The following DNAI1 variants were observed in gnomAD, a reference collection of about 807,000 sequenced individuals.
The protein encoded by DNAI1 is dynein, axonemal, intermediate polypeptide 1.
A neutral mutation model predicts 92.0 loss-of-function variants in DNAI1; 67 were observed. The observed-to-expected ratio is 0.73, with a 90% CI of 0.60 to 0.89. The LOEUF (loss-of-function observed/expected upper bound fraction) is 0.89. Among genes scored for constraint, DNAI1 ranks in the 40% least tolerant of loss-of-function variants. DNAI1 has a pLI of 0.00. For missense variants in DNAI1, 839 were observed against 866.6 expected, an observed-to-expected ratio of 0.97 and a Z score of 0.40; for synonymous variants, 323 against 319.6, an observed-to-expected ratio of 1.01 and a Z score of -0.11.
intron 18 of DNAI1, 121 bp from the exon 19 acceptor site, chr9:34,517,164 C>G: frequency 9.6e-7 from 1 of 1,046,868 alleles, no homozygotes; most frequent in Admixed American, 2.0e-5. Context: ...CCACCTCCAG[C>G]TCCAGTGTGC....
intron 1 of DNAI1, among the ~76,000 whole-genome samples, chr9:34,479,673 C>T (rs1824303396): frequency 6.6e-6 from 1 of 152,116 alleles, no homozygotes; most frequent in Non-Finnish European, 1.5e-5. Context: ...AGTTGTTACA[C>T]GTTGGGACGC....
At chr9:34,473,146 A>T (rs533846291) in intron 1 of DNAI1, among the ~76,000 whole-genome samples, 12 of 152,044 alleles carry the variant, frequency 7.9e-5, no homozygotes, top group Non-Finnish European at 1.6e-4. Flanking sequence ...AGCAATACAT[A>T]AAAGTTTACT....
chr9:34,513,324 G>C (rs899822235), intron 16 of DNAI1, 133 bp downstream of exon 16: 1 of 752,550 alleles, frequency 1.3e-6, no homozygotes, highest in Non-Finnish European at 2.4e-6. Flanking sequence ...TGAGGGAAGA[G>C]AATGTATTTC....
intron 1 of DNAI1, among the ~76,000 whole-genome samples, chr9:34,470,777 C>T (rs902942369): frequency 1.3e-5 from 2 of 152,128 alleles, no homozygotes; most frequent in African/African-American, 2.4e-5. Flanking sequence ...ATGAAAACTA[C>T]GCCCAAGAAC....
At chr9:34,482,599 C>T (rs540088354) in intron 1 of DNAI1, among the ~76,000 whole-genome samples, 3 of 152,260 alleles carry the variant, frequency 2.0e-5, no homozygotes. Flanking sequence ...ACTCACAAAC[C>T]TTGAGCTAAA....
At chr9:34,506,106 T>G (rs1010613080) in intron 12 of DNAI1, among the ~76,000 whole-genome samples, 6 of 152,136 alleles carry the variant, frequency 3.9e-5, no homozygotes, top group Non-Finnish European at 7.4e-5. Context: ...CATGCCTAGA[T>G]CTAGGGCTCA....
chr9:34,512,458 G>A (rs1226704814), intron 15 of DNAI1, 34 bp downstream of exon 15: 1 of 1,601,326 alleles, frequency 6.2e-7, no homozygotes, highest in Admixed American at 1.7e-5. Flanking sequence ...TCCAGGCCTG[G>A]CCAGGTCATT....
At chr9:34,467,340 G>A (rs527755718) in intron 1 of DNAI1, among the ~76,000 whole-genome samples, 1 of 152,148 alleles carries the variant, frequency 6.6e-6, no homozygotes, top group South Asian at 2.1e-4. Context: ...GCTCATGGCT[G>A]TAATCCTAGC....
At chr9:34,476,936 TAGG>T (rs987069022) in intron 1 of DNAI1, among the ~76,000 whole-genome samples, 4 of 152,090 alleles carry the variant, frequency 2.6e-5, no homozygotes, top group African/African-American at 9.7e-5. Context: ...AGGGGAAAAG[TAGG>T]AGATGAGGTA....
chr9:34,512,999 C>T (rs922338303), intron 15 of DNAI1, 113 bp from the exon 16 acceptor site: 33 of 881,376 alleles, frequency 3.7e-5, no homozygotes, highest in African/African-American at 4.9e-5. Context: ...GTCTGTCCTG[C>T]GCTGAGTCCT....
Position 34,497,174 on chromosome 9 carries a change from G to C in DNAI1, c.876G>C (p.Gln292His). 1 of 1,613,964 alleles carries C rather than the reference G, an allele frequency of 6.2e-7. No homozygotes were observed. Reference sequence around the variant, plus strand: ...AGATCATGGAGCGGATGGTCAACCAGAATACATATGATGACATTGCTCAAG... The same window carrying C: ...AGATCATGGAGCGGATGGTCAACCACAATACATATGATGACATTGCTCAAG... The part of the protein sequence containing the change: ...AAKIMERMVN[Q>H]NTYDDIAQDF... Residue 292 changes from glutamine (Q) to histidine (H), a missense_variant, in exon 10 of 20, where the codon CAG (glutamine) becomes CAC (histidine). Transcript: ENST00000242317.
intron 11 of DNAI1, 68 bp from the exon 12 acceptor site, chr9:34,501,070 G>T: frequency 7.5e-7 from 1 of 1,338,604 alleles, no homozygotes; most frequent in Non-Finnish European, 1.1e-6. Context: ...GTGCCAATGG[G>T]AAGGCCCTTG....
intron 1 of DNAI1, among the ~76,000 whole-genome samples, chr9:34,473,618 C>A (rs1824181443): frequency 6.6e-6 from 1 of 152,140 alleles, no homozygotes; most frequent in African/African-American, 2.4e-5. Context: ...GTATGCATTA[C>A]CTAGCATATT....
chr9:34,477,942 T>C (rs569303301), intron 1 of DNAI1, among the ~76,000 whole-genome samples: 7,028 of 147,230 alleles, frequency 0.048, 208 homozygotes, highest in Non-Finnish European at 0.064. Flanking sequence ...TTTTTTTTTT[T>C]TTTTTTTAGT....
intron 1 of DNAI1, chr9:34,478,574 T>C (rs1366270636): frequency 2.0e-5 from 3 of 152,222 alleles, no homozygotes; most frequent in Non-Finnish European, 4.4e-5. Flanking sequence ...CAGTTCCTGC[T>C]CTCACAGTGC....
chr9:34,476,556 A>G (rs1052335970), intron 1 of DNAI1, among the ~76,000 whole-genome samples: 3 of 152,168 alleles, frequency 2.0e-5, no homozygotes, highest in Non-Finnish European at 2.9e-5. Context: ...GGTGATCCAG[A>G]GCTGTGCTAG....
In DNAI1 at chr9:34,514,461, T is replaced by C. The variant is rs1314566572; in HGVS notation, c.1637T>C (p.Val546Ala). ...YDAHNMSVDT[V>A]SWNPYHTKVF... is the part of the protein sequence containing the mutation. Reference sequence around the variant, plus strand: ...GCCCACAACATGTCAGTGGACACTGTGTCCTGGAACCCATACCACACCAAG... The same window carrying C: ...GCCCACAACATGTCAGTGGACACTGCGTCCTGGAACCCATACCACACCAAG... Residue 546 changes from valine to alanine, a missense_variant, in exon 17 of 20, where the codon GTG (valine) becomes GCG (alanine). By Grantham distance (64) the Val-to-Ala change is moderately conservative (BLOSUM62 0). Coordinates refer to ENST00000242317, the MANE Select transcript of DNAI1 (RefSeq NM_012144.4). 1 of 1,614,212 alleles carries C rather than the reference T, an allele frequency of 6.2e-7. No homozygotes were observed. The highest frequency in any genetic ancestry group is 1.7e-5 in the Admixed American group (1 of 60,028).
At chr9:34,485,628 C>T in intron 4 of DNAI1, 111 bp downstream of exon 4, 1 of 1,036,604 alleles carries the variant, frequency 9.6e-7, no homozygotes, top group Admixed American at 2.0e-5. Flanking sequence ...CACTTTTAAA[C>T]TGAGGTCCTT....
At chr9:34,503,395 T>TCA (rs1461750135) in intron 12 of DNAI1, among the ~76,000 whole-genome samples, 4 of 152,174 alleles carry the variant, frequency 2.6e-5, no homozygotes, top group African/African-American at 9.7e-5. Flanking sequence ...CCAGCATCCA[T>TCA]CACACTGTCT....
Sources: allele counts gnomAD v4.1 joint callset (sites outside exome capture counted in the v4.1 genomes callset), GRCh38; gene constraint gnomAD v4.1.1; transcripts MANE v1.5; gene names NCBI Gene and HGNC (gene_info 2026-07-23, HGNC 2026-07-21).